CAPN2: variants seen among roughly 807,000 people sequenced by gnomAD.
CAPN2 encodes calpain 2, also known as calpain-2 catalytic subunit.
A neutral mutation model predicts 102.3 loss-of-function variants in CAPN2; 92 were observed. The observed-to-expected ratio is 0.90, with a 90% confidence interval of 0.76 to 1.07. The LOEUF (loss-of-function observed/expected upper bound fraction) is 1.07. Among genes scored for constraint, CAPN2 ranks in the 50% least tolerant of loss-of-function variants. The pLI is 0.00. For missense variants in CAPN2, 800 were observed against 909.4 expected (o/e 0.88, Z 1.55); for synonymous variants, 340 against 355.4 (o/e 0.96, Z 0.49).
chr1:223,706,417 C>A lies in CAPN2; in HGVS notation c.3+4586C>A, dbSNP rs74147512. Among the ~76,000 whole-genome samples, 443 of 152,118 alleles carry A rather than the reference C, an allele frequency of 2.9e-3. 2 individuals are homozygous for A. Among genetic ancestry groups the A allele is most frequent in the African/African-American group, 0.01 (425 of 41,526 alleles). ...TTTCAAATGAAACCGTTTTTTGCAG[C>A]CCTGTGGAATTCATATTCTCTGTGA... On this transcript the variant is annotated intron_variant, in intron 1 of 20. Transcript: ENST00000433674.
At chr1:223,748,714 C>T (rs1484309449) in intron 5 of CAPN2, among the ~76,000 whole-genome samples, 1 of 150,214 alleles carries the variant, frequency 6.7e-6, no homozygotes, top group Non-Finnish European at 1.5e-5. Flanking sequence ...CCCCCTCCAG[C>T]CCTCTCTCGG....
rs184159341 is a variant in CAPN2, at chr1:223,757,469, G to A, written c.1317+89G>A. 8.8e-4 allele frequency: 1,267 copies of A among 1,434,468 alleles called. 5 individuals carry two copies. The highest frequency in any genetic ancestry group is 8.5e-3 in the African/African-American group (602 of 71,112). The allele number at this position is 1,434,468 out of a possible 1,614,324, so 88.9% of individuals were successfully genotyped here. ...GAGCTCAGGGAGCGTCGTGAAGCCC[G>A]GGCAGGGGCTGGTGGTCATGAAGGA... On this transcript the variant is annotated intron_variant, in intron 11 of 20. Coordinates refer to ENST00000295006, the MANE Select transcript of CAPN2 (RefSeq NM_001748.5).
At chr1:223,728,848 A>C (rs1422081320) in intron 2 of CAPN2, among the ~76,000 whole-genome samples, 2 of 146,382 alleles carry the variant, frequency 1.4e-5, no homozygotes, top group African/African-American at 2.6e-5. Context: ...CATGGGGCTC[A>C]GGAGCCCTGA....
At position 223,749,095 on chromosome 1, in the gene CAPN2, C is replaced by T. The variant is rs1185137540; in HGVS notation, c.786C>T (p.His262=). ...AITFQKLVKG[H]AYSVTGAEEV... ...CGTTTCAGAAGCTGGTGAAGGGGCA[C>T]GCGTACTCGGTCACCGGAGCCGAGG... is the stretch of plus-strand genomic sequence containing the variant. Residue 262 remains histidine, a synonymous_variant, in exon 6 of 21, where the codon CAC becomes CAT. Coordinates refer to ENST00000295006, the MANE Select transcript of CAPN2 (RefSeq NM_001748.5). The T allele has an allele frequency of 6.2e-7, 1 of 1,613,992 alleles. No individual in the cohort carries two copies. Among genetic ancestry groups the T allele is most frequent in the African/African-American group, 1.3e-5 (1 of 74,944 alleles).
At chr1:223,715,634 A>G (rs1471339358) in intron 1 of CAPN2, among the ~76,000 whole-genome samples, 1 of 152,120 alleles carries the variant, frequency 6.6e-6, no homozygotes, top group Non-Finnish European at 1.5e-5. Context: ...TCCAAGGGCC[A>G]TGCAGGGGTA....
chr1:223,744,499 A>G lies in CAPN2; in HGVS notation c.426+281A>G, dbSNP rs571583889. On this transcript the variant is annotated intron_variant, in intron 3 of 20. Transcript: ENST00000295006. ...TCCCAAGTTTAAAAAAAAAAACTGTATTATTTGATGTTTGAGACAAAAACG... is the reference window on the plus strand; with the variant it reads ...TCCCAAGTTTAAAAAAAAAAACTGTGTTATTTGATGTTTGAGACAAAAACG... 2.2e-3 allele frequency among the ~76,000 whole-genome samples: 332 copies of G among 152,208 alleles called. 1 individual carries two copies. Among genetic ancestry groups the G allele is most frequent in the African/African-American group, 7.7e-3 (320 of 41,526 alleles).
intron 2 of CAPN2, among the ~76,000 whole-genome samples, chr1:223,743,280 G>A (rs776088875): frequency 4.6e-5 from 7 of 152,060 alleles, no homozygotes; most frequent in Non-Finnish European, 8.8e-5. Context: ...CTGCCCCTCC[G>A]CACAGAAACC....
intron 1 of CAPN2, among the ~76,000 whole-genome samples, chr1:223,702,072 A>AGGGAGGGT (rs1558374829): frequency 6.0e-5 from 1 of 16,578 alleles, no homozygotes; most frequent in Non-Finnish European, 1.3e-4. Context: ...GAAGGGAGGG[A>AGGGAGGGT]GGGAGGGAGG....
chr1:223,750,450 C>T (rs1571806197), intron 6 of CAPN2, among the ~76,000 whole-genome samples: 2 of 152,268 alleles, frequency 1.3e-5, no homozygotes, highest in Admixed American at 1.3e-4. Context: ...AACATTTTCC[C>T]AGTTGCCCAA....
chr1:223,730,296 G>A (rs575370847), intron 2 of CAPN2, among the ~76,000 whole-genome samples: 1 of 151,354 alleles, frequency 6.6e-6, no homozygotes, highest in East Asian at 2.0e-4. Flanking sequence ...GGCTTTGAAT[G>A]TGGCCCAACA....
rs757501480 is a variant in CAPN2 at position 223,756,087 on chromosome 1, CAG to C, written c.1305+439_1305+440del. ...GCCTGGATGGTGGAGAGCTTGGGGACAGGGGAACATTGGTCATGATGCTCCCC... is the reference window on the plus strand; with the variant it reads ...GCCTGGATGGTGGAGAGCTTGGGGACGGGAACATTGGTCATGATGCTCCCC... On this transcript the variant is annotated intron_variant, in intron 10 of 20. Transcript: ENST00000295006. This position sits in a 1 kb window ranked among gnomAD's most constrained non-coding sequence, Gnocchi z 4.1. Among the ~76,000 whole-genome samples the C allele has an allele frequency of 5.9e-5, 9 of 152,316 alleles. No individual in the cohort carries two copies. Among genetic ancestry groups the C allele is most frequent in the African/African-American group, 1.2e-4 (5 of 41,564 alleles).
Position 223,775,331 on chromosome 1 carries a change from C to A in CAPN2, c.*474C>A. On this transcript the variant is annotated 3_prime_UTR_variant, in exon 21 of 21. Coordinates refer to ENST00000295006, the MANE Select transcript of CAPN2 (RefSeq NM_001748.5). ...AACAACAGTCCAAGATTACCATTTC[C>A]CATGAGCCAACTGGGAAACATGGTA... 6.2e-6 allele frequency: 1 copy of A among 160,914 alleles called. No individual in the cohort carries two copies. The highest frequency in any genetic ancestry group is 1.4e-5 in the Non-Finnish European group (1 of 73,652). The allele number at this position is 160,914 out of a possible 1,614,324, so 10.0% of individuals were successfully genotyped here.
Position 223,751,454 on chromosome 1 carries a change from T to G in CAPN2, c.899+479T>G, listed in dbSNP as rs546924015. 2.0e-5 allele frequency among the ~76,000 whole-genome samples: 3 copies of G among 152,328 alleles called. No individual in the cohort carries two copies. The East Asian group carries it at 5.8e-4, about 29-fold the overall frequency. On this transcript the variant is annotated intron_variant, in intron 7 of 20. Transcript: ENST00000295006. ...TACATCTGCTGTGGCAACCTCAGCC[T>G]ACTTGCTCTGCCTCAGGTTGGAGAG...
At position 223,771,881 on chromosome 1, in the gene CAPN2, T is replaced by C. The variant is rs776797995; in HGVS notation, c.1976T>C (p.Phe659Ser). The change falls in exon 19 of 21, where the codon TTT becomes TCT. Residue 659 changes from phenylalanine (F) to serine (S), a missense_variant. Coordinates refer to ENST00000295006, the MANE Select transcript of CAPN2 (RefSeq NM_001748.5). ...RFADDQLIID[F>S]DNFVRCLVRL... The stretch of plus-strand genomic sequence containing the variant: ...GCAGATGACCAGCTCATCATCGATT[T>C]TGATAATTTTGTTCGGTGTTTGGTT... The C allele has an allele frequency of 6.2e-7, 1 of 1,614,076 alleles. No individual in the cohort carries two copies. Among genetic ancestry groups the C allele is most frequent in the Non-Finnish European group, 8.5e-7 (1 of 1,180,012 alleles).
Position 223,745,413 on chromosome 1 carries a change from C to A in CAPN2, c.534C>A (p.Ser178Arg). The A allele has an allele frequency of 6.2e-7, 1 of 1,614,184 alleles. No homozygotes were observed. Reference protein sequence around the residue: ...VHSAEGSEFWSALLEKAYAKI... With the variant: ...VHSAEGSEFWRALLEKAYAKI... Reference sequence around the variant, plus strand: ...CAGCCGAAGGGAGCGAGTTCTGGAGCGCCCTGCTGGAGAAGGCATACGCCA... The same window carrying A: ...CAGCCGAAGGGAGCGAGTTCTGGAGAGCCCTGCTGGAGAAGGCATACGCCA... Residue 178 changes from serine to arginine, a missense_variant, in exon 4 of 21, where the codon AGC becomes AGA. Physicochemically the swap from Ser to Arg is moderately radical, Grantham distance 110. Transcript: ENST00000295006.
At chr1:223,711,069 A>G (rs1659716910), upstream of CAPN2, among the ~76,000 whole-genome samples, 1 of 152,198 alleles carries the variant, frequency 6.6e-6, no homozygotes, top group African/African-American at 2.4e-5. Flanking sequence ...TATCTTGGAC[A>G]TTGGAAGATG....
intron 6 of CAPN2, among the ~76,000 whole-genome samples, chr1:223,750,676 A>T (rs749991634): frequency 5.9e-5 from 9 of 152,192 alleles, no homozygotes; most frequent in Non-Finnish European, 1.2e-4. Flanking sequence ...TTTAAATCTC[A>T]TTTTCCAAAG....
At chr1:223,763,100 G>A (rs960659387) in intron 14 of CAPN2, among the ~76,000 whole-genome samples, 5 of 151,690 alleles carry the variant, frequency 3.3e-5, no homozygotes, top group Non-Finnish European at 7.4e-5. Flanking sequence ...TGGAATTACG[G>A]GTGTGAGCCA....
chr1:223,724,125 T>C (rs780843354), intron 2 of CAPN2, among the ~76,000 whole-genome samples: 10 of 152,206 alleles, frequency 6.6e-5, no homozygotes, highest in Non-Finnish European at 1.0e-4. Context: ...TCTGTGACTT[T>C]AGAATGTTAC....
Sources: allele counts gnomAD v4.1 joint callset (sites outside exome capture counted in the v4.1 genomes callset), GRCh38; gene constraint gnomAD v4.1.1; non-coding constraint Gnocchi (gnomAD v3.1); transcripts MANE v1.5; gene names NCBI Gene and HGNC (gene_info 2026-07-23, HGNC 2026-07-21).